Variants in HHAT observed in about 807,000 individuals in gnomAD.
HHAT encodes the protein protein-cysteine N-palmitoyltransferase HHAT.
Under a neutral mutation model 70.8 loss-of-function variants are expected in HHAT, and 47 were observed. That is an observed-to-expected ratio of 0.66 (90% confidence interval 0.53 to 0.85). HHAT has a LOEUF of 0.85. HHAT is among the 40% of genes least tolerant of loss of function. HHAT has a pLI of 0.00. For synonymous variants in HHAT, 228 were observed against 247.6 expected (o/e 0.92, Z 0.74); for missense variants, 609 against 604.8 (o/e 1.01, Z -0.07).
At chr1:210,399,164 C>G (rs1451511230) in intron 4 of HHAT, among the ~76,000 whole-genome samples, 1 of 152,196 alleles carries the variant, frequency 6.6e-6, no homozygotes, top group African/African-American at 2.4e-5. Flanking sequence ...AATGCATGCC[C>G]GTGAGACATC....
At chr1:210,399,068 GA>G (rs2091936573) in intron 4 of HHAT, among the ~76,000 whole-genome samples, 1 of 152,154 alleles carries the variant, frequency 6.6e-6, no homozygotes, top group Non-Finnish European at 1.5e-5. Context: ...GTCTTGCCCT[GA>G]AAAAAGTCTT....
chr1:210,555,660 A>G (rs554285903), intron 9 of HHAT, among the ~76,000 whole-genome samples: 2 of 152,356 alleles, frequency 1.3e-5, no homozygotes, highest in East Asian at 3.9e-4. Context: ...CTGTTAGATA[A>G]CAGGCTGGAA....
At chr1:210,393,263 G>A (rs1439467045) in intron 4 of HHAT, among the ~76,000 whole-genome samples, 1 of 152,154 alleles carries the variant, frequency 6.6e-6, no homozygotes, top group African/African-American at 2.4e-5. Context: ...TTGCTCCTGG[G>A]AGCAGTTTAT....
At chr1:210,368,481 G>A (rs1031937663) in intron 3 of HHAT, among the ~76,000 whole-genome samples, 1 of 152,028 alleles carries the variant, frequency 6.6e-6, no homozygotes, top group African/African-American at 2.4e-5. Flanking sequence ...TAGTAGAGAT[G>A]CGTTTCGCCA....
chr1:210,663,931 A>G (rs545003027), intron 11 of HHAT, among the ~76,000 whole-genome samples: 82 of 152,360 alleles, frequency 5.4e-4, no homozygotes, highest in Middle Eastern at 6.8e-3. Flanking sequence ...GTGAAAGTGA[A>G]AGTGACAGCT....
At chr1:210,459,956 G>C (rs370259324) in intron 7 of HHAT, among the ~76,000 whole-genome samples, 3 of 152,320 alleles carry the variant, frequency 2.0e-5, no homozygotes, top group East Asian at 3.9e-4. Flanking sequence ...AACTGGGCGG[G>C]ATGTCCAAGA....
chr1:210,356,024 C>G (rs942733856), intron 2 of HHAT, among the ~76,000 whole-genome samples: 20 of 152,224 alleles, frequency 1.3e-4, no homozygotes, highest in South Asian at 8.3e-4. Flanking sequence ...TCAAGTGATC[C>G]TCCAACCTCG....
chr1:210,579,976 A>T (rs1257836260), intron 9 of HHAT, among the ~76,000 whole-genome samples: 1 of 152,236 alleles, frequency 6.6e-6, no homozygotes, highest in Non-Finnish European at 1.5e-5. Context: ...GCGAAAAGAA[A>T]GATTATTTAA....
chr1:210,506,858 A>G (rs1318856191), intron 8 of HHAT, among the ~76,000 whole-genome samples: 1 of 152,188 alleles, frequency 6.6e-6, no homozygotes, highest in Non-Finnish European at 1.5e-5. Context: ...GCTTTCCGGA[A>G]GGCTCTGGTT....
At chr1:210,348,247 A>G (rs2086688944) in intron 1 of HHAT, among the ~76,000 whole-genome samples, 1 of 152,078 alleles carries the variant, frequency 6.6e-6, no homozygotes, top group Non-Finnish European at 1.5e-5. Flanking sequence ...TGCATGGCAG[A>G]CAGCTGATTT....
At chr1:210,579,533 A>T (rs943651514) in intron 9 of HHAT, among the ~76,000 whole-genome samples, 5 of 152,186 alleles carry the variant, frequency 3.3e-5, no homozygotes, top group Non-Finnish European at 1.5e-5. Flanking sequence ...AAAAATCTCC[A>T]GAGTCTTTAT....
chr1:210,330,287 A>C (rs2084876365), intron 1 of HHAT, among the ~76,000 whole-genome samples: 1 of 152,120 alleles, frequency 6.6e-6, no homozygotes, highest in Admixed American at 6.5e-5. Context: ...CTGACCTGAG[A>C]GATTCAATTA....
At chr1:210,480,126 G>A (rs2094370889) in intron 8 of HHAT, among the ~76,000 whole-genome samples, 1 of 152,126 alleles carries the variant, frequency 6.6e-6, no homozygotes, top group Non-Finnish European at 1.5e-5. Context: ...TGACTAAACT[G>A]ACACAATATG....
At chr1:210,365,317 T>TTTTTG (rs1306805116) in intron 3 of HHAT, among the ~76,000 whole-genome samples, 2 of 129,912 alleles carry the variant, frequency 1.5e-5, no homozygotes, top group African/African-American at 3.0e-5. Context: ...CAGTTTTTTT[T>TTTTTG]TTTTTTTTTT....
At chr1:210,374,523 C>G (rs531980973) in intron 3 of HHAT, among the ~76,000 whole-genome samples, 3 of 152,286 alleles carry the variant, frequency 2.0e-5, no homozygotes, top group Admixed American at 2.0e-4. Flanking sequence ...TTGTTATTCA[C>G]CGGGTGCCTT....
chr1:210,353,664 A>AT (rs1558336650), intron 2 of HHAT, among the ~76,000 whole-genome samples: 1 of 151,990 alleles, frequency 6.6e-6, no homozygotes, highest in East Asian at 1.9e-4. Flanking sequence ...ATTATTTTAT[A>AT]TTTTATCTGC....
Position 210,674,437 on chromosome 1 carries a change from C to T in HHAT, c.*58C>T. 2 of 1,346,452 alleles carry T rather than the reference C, an allele frequency of 1.5e-6. No individual in the cohort carries two copies. Among genetic ancestry groups the T allele is most frequent in the Admixed American group, 3.4e-5 (2 of 58,534 alleles). The allele number at this position is 1,346,452 out of a possible 1,614,324, so 83.4% of individuals were successfully genotyped here. On this transcript the variant is annotated 3_prime_UTR_variant, in exon 12 of 12. Transcript: ENST00000261458. The stretch of plus-strand genomic sequence containing the variant: ...GCCTCCAAGGCAAATAGTGCTTCAC[C>T]CTGACCTCTCACTCCAGGACAGCCT...
At chr1:210,420,456 CT>C (rs2092864526) in intron 7 of HHAT, among the ~76,000 whole-genome samples, 1 of 152,020 alleles carries the variant, frequency 6.6e-6, no homozygotes, top group Non-Finnish European at 1.5e-5. Context: ...ATTTCTGTGT[CT>C]CTTGGAGCTC....
At chr1:210,482,347 C>T (rs983226169) in intron 8 of HHAT, among the ~76,000 whole-genome samples, 2 of 152,192 alleles carry the variant, frequency 1.3e-5, no homozygotes, top group African/African-American at 4.8e-5. Flanking sequence ...CTGCTGGTGC[C>T]TATCTGAAAA....
Sources: gnomAD v4.1 joint callset for allele counts (sites outside exome capture counted in the v4.1 genomes callset) on GRCh38, gnomAD v4.1.1 for gene constraint, MANE v1.5 for transcripts, NCBI Gene and HGNC (gene_info 2026-07-23, HGNC 2026-07-21) for gene names.